Variants in DPP10 observed in about 807,000 individuals in gnomAD.
The protein encoded by DPP10 is inactive dipeptidyl peptidase 10.
In DPP10, 33 loss-of-function variants were observed where a neutral mutation model predicts 120.9. The ratio of observed to expected loss-of-function variants is 0.27; its 90% confidence interval spans 0.21 to 0.37. The LOEUF (loss-of-function observed/expected upper bound fraction) is 0.37. Among genes scored for constraint, DPP10 ranks in the 10% least tolerant of loss-of-function variants. The probability of loss-of-function intolerance (pLI) is 1.00; values close to 1 mark genes in which losing one functional copy is unlikely to be tolerated. For missense variants in DPP10, 816 were observed against 942.8 expected, an observed-to-expected ratio of 0.87 and a Z score of 1.76; for synonymous variants, 337 against 326.1, an observed-to-expected ratio of 1.03 and a Z score of -0.36.
chr2:115,507,202 A>G (rs879137906), intron 4 of DPP10, among the ~76,000 whole-genome samples: 1 of 152,120 alleles, frequency 6.6e-6, no homozygotes, highest in African/African-American at 2.4e-5. Context: ...AGATTTTTCT[A>G]CTTCTCCATC....
At chr2:114,733,631 G>T (rs1558683521) in intron 1 of DPP10, among the ~76,000 whole-genome samples, 1 of 152,100 alleles carries the variant, frequency 6.6e-6, no homozygotes, top group Non-Finnish European at 1.5e-5. Flanking sequence ...GAGGAGAAAA[G>T]TTATTTTCCC....
chr2:114,521,532 A>T (rs1241018212), intron 1 of DPP10, among the ~76,000 whole-genome samples: 1 of 152,178 alleles, frequency 6.6e-6, no homozygotes, highest in Non-Finnish European at 1.5e-5. Context: ...ATTATGATAT[A>T]AATTATAGTC....
intron 1 of DPP10, among the ~76,000 whole-genome samples, chr2:114,515,211 C>T (rs998224108): frequency 6.6e-6 from 1 of 152,140 alleles, no homozygotes; most frequent in Non-Finnish European, 1.5e-5. Context: ...TTATCATGGG[C>T]ATAAACATTG....
chr2:115,366,138 A>T (rs1385004541), intron 3 of DPP10, among the ~76,000 whole-genome samples: 2 of 151,914 alleles, frequency 1.3e-5, no homozygotes, highest in Non-Finnish European at 2.9e-5. Flanking sequence ...ATATTATTGA[A>T]ATAATATTTT....
intron 3 of DPP10, among the ~76,000 whole-genome samples, chr2:115,422,804 G>A (rs1219007703): frequency 1.3e-5 from 2 of 152,136 alleles, no homozygotes; most frequent in Non-Finnish European, 2.9e-5. Context: ...TCAGTGTTTT[G>A]AGGTTTTGCT....
intron 1 of DPP10, among the ~76,000 whole-genome samples, chr2:114,703,711 C>G (rs1008802945): frequency 6.6e-6 from 1 of 152,102 alleles, no homozygotes. Context: ...CTGAAGTCCT[C>G]TAGATAGTAT....
intron 1 of DPP10, among the ~76,000 whole-genome samples, chr2:114,610,554 C>A (rs1375151295): frequency 2.6e-5 from 4 of 151,988 alleles, no homozygotes; most frequent in Non-Finnish European, 5.9e-5. Context: ...TGAAGAGGTG[C>A]TTTGAGTTTT....
chr2:115,784,368 G>A (rs966245606), intron 17 of DPP10, among the ~76,000 whole-genome samples: 1 of 152,104 alleles, frequency 6.6e-6, no homozygotes, highest in Non-Finnish European at 1.5e-5. Context: ...TATTTAACAA[G>A]CATGGAAAAC....
At chr2:114,714,863 A>C (rs1363899390) in intron 1 of DPP10, among the ~76,000 whole-genome samples, 1 of 152,154 alleles carries the variant, frequency 6.6e-6, no homozygotes, top group African/African-American at 2.4e-5. Context: ...CATTAGGAAG[A>C]CTGGACAAAT....
At chr2:114,877,393 C>T (rs957256087) in intron 1 of DPP10, among the ~76,000 whole-genome samples, 6 of 151,934 alleles carry the variant, frequency 3.9e-5, no homozygotes, top group African/African-American at 7.3e-5. Context: ...TGTGTTTCTT[C>T]GAAAGCCTTG....
intron 1 of DPP10, among the ~76,000 whole-genome samples, chr2:114,749,548 C>CTTTTATTTTGTTTTATTTTA (rs1553418591): frequency 2.4e-5 from 3 of 125,632 alleles, no homozygotes; most frequent in East Asian, 4.6e-4. Context: ...TCTAGCACTG[C>CTTTTATTTTGTTTTATTTTA]TTTTATTTTA....
intron 1 of DPP10, chr2:115,145,062 C>T (rs981787952): frequency 6.6e-6 from 1 of 151,888 alleles, no homozygotes; most frequent in Non-Finnish European, 1.5e-5. Flanking sequence ...GCACTGTTAA[C>T]CCTTTGCCTT....
intron 1 of DPP10, among the ~76,000 whole-genome samples, chr2:114,758,121 A>G (rs529202205): frequency 2.0e-5 from 3 of 152,288 alleles, no homozygotes; most frequent in South Asian, 2.1e-4. Context: ...TTAGATTCAG[A>G]CTTTTGCTAA....
chr2:114,570,836 T>TAAAAAAAAAAA (rs58796386), intron 1 of DPP10, among the ~76,000 whole-genome samples: 2 of 57,818 alleles, frequency 3.5e-5, no homozygotes, highest in Non-Finnish European at 7.7e-5. Context: ...CTGTCTCAAA[T>TAAAAAAAAAAA]AAAAAAAAAA....
intron 1 of DPP10, among the ~76,000 whole-genome samples, chr2:114,525,073 C>G (rs1190671726): frequency 6.6e-6 from 1 of 152,160 alleles, no homozygotes; most frequent in Non-Finnish European, 1.5e-5. Context: ...GCAATACCTT[C>G]CCTCTACCCT....
chr2:114,966,777 C>T (rs992286662), intron 1 of DPP10, among the ~76,000 whole-genome samples: 1 of 152,232 alleles, frequency 6.6e-6, no homozygotes, highest in African/African-American at 2.4e-5. Flanking sequence ...TGCAGTGGCT[C>T]ATGCCTGTAA....
chr2:114,588,936 A>G (rs1435094625), intron 1 of DPP10, among the ~76,000 whole-genome samples: 3 of 149,726 alleles, frequency 2.0e-5, no homozygotes, highest in Non-Finnish European at 4.4e-5. Context: ...GAAACCTAAA[A>G]CTCATGTATC....
intron 7 of DPP10, among the ~76,000 whole-genome samples, chr2:115,705,453 G>A (rs757386118): frequency 3.3e-5 from 5 of 151,876 alleles, no homozygotes; most frequent in Non-Finnish European, 4.4e-5. Context: ...CACGTTCTGG[G>A]CTGAAAGTCT....
intron 5 of DPP10, among the ~76,000 whole-genome samples, chr2:115,592,404 C>T (rs2082716095): frequency 6.6e-6 from 1 of 151,910 alleles, no homozygotes; most frequent in Non-Finnish European, 1.5e-5. Context: ...GTCAGCCTCT[C>T]AATCTCTCTT....
Sources: gnomAD v4.1 joint callset for allele counts (sites outside exome capture counted in the v4.1 genomes callset) on GRCh38, gnomAD v4.1.1 for gene constraint, MANE v1.5 for transcripts, NCBI Gene and HGNC (gene_info 2026-07-23, HGNC 2026-07-21) for gene names.